Variants in ZNF697 observed in about 807,000 individuals in gnomAD.
ZNF697 encodes zinc finger protein 697.
In ZNF697, 23 loss-of-function variants were observed where a neutral mutation model predicts 32.4. The observed-to-expected ratio is 0.71, with a 90% confidence interval of 0.51 to 1.01. The LOEUF is 1.01. Among genes scored for constraint, ZNF697 ranks in the 50% least tolerant of loss-of-function variants. The pLI, the probability that ZNF697 is intolerant of heterozygous loss-of-function variation, is 0.00. For missense variants in ZNF697, 930 were observed against 794.0 expected, an observed-to-expected ratio of 1.17 and a Z score of -2.06; for synonymous variants, 418 against 337.2, an observed-to-expected ratio of 1.24 and a Z score of -2.62.
Position 119,624,593 on chromosome 1 carries a change from C to T in ZNF697, c.227-477G>A, listed in dbSNP as rs587672418. Among the ~76,000 whole-genome samples, 289 of 152,290 alleles carry T rather than the reference C, an allele frequency of 1.9e-3. 2 individuals carry two copies. The highest frequency in any genetic ancestry group is 6.6e-3 in the African/African-American group (274 of 41,566). On this transcript the variant is annotated intron_variant, in intron 2 of 2. Coordinates refer to ENST00000421812, the MANE Select transcript of ZNF697 (RefSeq NM_001080470.2). ...TAACCAGGCCCTGGACTAATTTTTT[C>T]TTTTTCTCTTTTTATTTTTGAGACA...
At chr1:119,624,567 C>G (rs1192395300) in intron 2 of ZNF697, among the ~76,000 whole-genome samples, 1 of 152,202 alleles carries the variant, frequency 6.6e-6, no homozygotes, top group Non-Finnish European at 1.5e-5. Flanking sequence ...ACCACTTGGC[C>G]TAACCAGGCC....
chr1:119,628,308 T>G (rs1648658659), intron 1 of ZNF697, among the ~76,000 whole-genome samples: 2 of 152,198 alleles, frequency 1.3e-5, no homozygotes, highest in African/African-American at 4.8e-5. Flanking sequence ...AGCCCTTTTA[T>G]GGACAGGCTT....
intron 1 of ZNF697, among the ~76,000 whole-genome samples, chr1:119,633,395 TAGAGAG>T (rs1212878397): frequency 2.1e-5 from 3 of 143,634 alleles, no homozygotes; most frequent in South Asian, 2.2e-4. Context: ...TGTGTGTGTA[TAGAGAG>T]AGAGAGAGAG....
Position 119,647,942 on chromosome 1 carries a change from G to A in ZNF697, c.-289C>T, listed in dbSNP as rs1262881581. Among the ~76,000 whole-genome samples, 1 of 152,218 alleles carries A rather than the reference G, an allele frequency of 6.6e-6. No homozygotes were observed. The highest frequency in any genetic ancestry group is 1.9e-4 in the East Asian group (1 of 5,192). On this transcript the variant is annotated 5_prime_UTR_variant, in exon 1 of 3. Transcript: ENST00000421812. ...GAGCGGACAACGGTCCACTTTACGA[G>A]GCACAACTTCGCCCAGCCGTTCCGC...
chr1:119,623,686 G>A lies in ZNF697; in HGVS notation c.657C>T (p.Ala219=), dbSNP rs1425073993. ...CCAGGCCGAAGGGCTCCAGGCTGGC[G>A]GCGGCAGCGGCCTCAGCCAGGCGGT... ...RIHRLAEAAA[A]ASLEPFGLAG... is the part of the protein sequence containing the mutation. The change falls in exon 3 of 3, where the codon GCC becomes GCT. Residue 219 remains alanine, a synonymous_variant. Transcript: ENST00000421812. The A allele has an allele frequency of 1.0e-5, 16 of 1,529,974 alleles. No homozygotes were observed. Among genetic ancestry groups the A allele is most frequent in the Non-Finnish European group, 1.2e-5 (14 of 1,144,272 alleles). 94.8% of individuals were successfully genotyped at this position (1,529,974 alleles called of 1,614,324 possible).
At chr1:119,632,019 G>T (rs1362099401) in intron 1 of ZNF697, among the ~76,000 whole-genome samples, 2 of 152,214 alleles carry the variant, frequency 1.3e-5, no homozygotes, top group South Asian at 2.1e-4. Context: ...CACAACTGGG[G>T]TCTAACCAGA....
chr1:119,626,231 G>A lies in ZNF697; in HGVS notation c.-37-94C>T, dbSNP rs1214352525. On this transcript the variant is annotated intron_variant, in intron 1 of 2. Transcript: ENST00000421812. ...ATTTCCAATTCTAATAAAATGTATGGAGTTCCAAGCCCCAGATGGCAAACC... is the reference window on the plus strand; with the variant it reads ...ATTTCCAATTCTAATAAAATGTATGAAGTTCCAAGCCCCAGATGGCAAACC... 1.6e-5 allele frequency: 24 copies of A among 1,466,364 alleles called. No homozygotes were observed. The East Asian group carries it at 4.9e-4, about 30-fold the overall frequency. 90.8% of individuals were successfully genotyped at this position (1,466,364 alleles called of 1,614,324 possible). A position where few individuals can be genotyped will look rare whatever the true frequency, so the allele number is the denominator to read the frequency against.
rs1227037917 is a variant in ZNF697, at chr1:119,622,795, C to T, written c.1548G>A (p.Thr516=). 1.3e-6 allele frequency: 2 copies of T among 1,599,778 alleles called. No homozygotes were observed. The highest frequency in any genetic ancestry group is 1.7e-5 in the Admixed American group (1 of 57,416). ...CCGCACACTTGTGCGGCTTGTTGCC[C>T]GTGTGGATGCGGCGGTGGCGGATCA... ...SHLIRHRRIH[T]GNKPHKCAGC... Residue 516 remains threonine (T), a synonymous_variant, in exon 3 of 3, where the codon ACG becomes ACA. Transcript: ENST00000421812.
chr1:119,642,054 T>C (rs587597987), intron 1 of ZNF697, among the ~76,000 whole-genome samples: 2 of 152,210 alleles, frequency 1.3e-5, no homozygotes, highest in South Asian at 2.1e-4. Flanking sequence ...AAATTAGCTA[T>C]CAAGGCGTGA....
At chr1:119,642,625 C>T (rs587678366) in intron 1 of ZNF697, among the ~76,000 whole-genome samples, 31 of 152,202 alleles carry the variant, frequency 2.0e-4, no homozygotes, top group South Asian at 1.5e-3. Context: ...TTACCCACAC[C>T]TCATTGTAAA....
chr1:119,623,981 T>A lies in ZNF697; in HGVS notation c.362A>T (p.Asp121Val). ...CAGCCGGTTCTCCCCAGCACTCTCGTCGTCGTCCTCCCGGAGGCTCCGGGA... is the reference window on the plus strand; with the variant it reads ...CAGCCGGTTCTCCCCAGCACTCTCGACGTCGTCCTCCCGGAGGCTCCGGGA... ...SISRSLREDD[D>V]ESAGENRLEE... Residue 121 changes from aspartate to valine, a missense_variant, in exon 3 of 3, where the codon GAC becomes GTC. Coordinates refer to ENST00000421812, the MANE Select transcript of ZNF697 (RefSeq NM_001080470.2). 1.9e-6 allele frequency: 3 copies of A among 1,611,086 alleles called. No homozygotes were observed.
At chr1:119,625,841 G>C (rs1462689731) in intron 2 of ZNF697, 34 bp downstream of exon 2, 1 of 1,608,814 alleles carries the variant, frequency 6.2e-7, no homozygotes, top group Non-Finnish European at 8.5e-7. Context: ...TGTAACTTTG[G>C]CAACTTGCAT....
intron 2 of ZNF697, 117 bp from the exon 3 acceptor site, chr1:119,624,233 G>A: frequency 8.0e-7 from 1 of 1,248,832 alleles, no homozygotes; most frequent in East Asian, 2.8e-5. Context: ...CTGGATCCCT[G>A]CCCCTCCAAG....
Position 119,625,869 on chromosome 1 carries a change from C to G in ZNF697, c.226+6G>C, listed in dbSNP as rs948686462. 1.2e-6 allele frequency: 2 copies of G among 1,613,222 alleles called. No homozygotes were observed. Among genetic ancestry groups the G allele is most frequent in the Non-Finnish European group, 1.7e-6 (2 of 1,179,818 alleles). ...ACTTGCATAGAAATCCCAGCTTTCT[C>G]CTCACCTGTGCAGATGTCGGGCACT... On this transcript the variant is annotated splice_donor_region_variant and intron_variant, in intron 2 of 2. Coordinates refer to ENST00000421812, the MANE Select transcript of ZNF697 (RefSeq NM_001080470.2).
At position 119,622,841 on chromosome 1, in the gene ZNF697, C is replaced by G; in HGVS notation, c.1502G>C (p.Ser501Thr). The change falls in exon 3 of 3, where the codon AGC becomes ACC. Residue 501 changes from serine (S) to threonine (T), a missense_variant. Ser to Thr is a moderately conservative substitution (Grantham distance 58). Transcript: ENST00000421812. The part of the protein sequence containing the change: ...KPYTCIECGK[S>T]FIQSSHLIRH... ...GATCAGGTGGGAGCTCTGGATAAAG[C>G]TCTTGCCGCACTCGATGCACGTGTA... 6.2e-7 allele frequency: 1 copy of G among 1,607,110 alleles called. No individual in the cohort carries two copies.
Position 119,641,443 on chromosome 1 carries a change from A to C in ZNF697, c.-38+6248T>G, listed in dbSNP as rs189371460. On this transcript the variant is annotated intron_variant, in intron 1 of 2. Transcript: ENST00000421812. ...GTGGGGAGAAAATGTTTGCAAAAAA[A>C]TATATATGATAAAAGGCTGTTAACC... 2.7e-3 allele frequency among the ~76,000 whole-genome samples: 411 copies of C among 152,350 alleles called. 1 individual carries two copies. Among genetic ancestry groups the C allele is most frequent in the African/African-American group, 9.4e-3 (392 of 41,580 alleles).
rs1648329551 is a variant in ZNF697 at position 119,621,904 on chromosome 1, TG to T, written c.*800del. 7.4e-6 allele frequency: 1 copy of T among 135,430 alleles called. No individual in the cohort carries two copies. Among genetic ancestry groups the T allele is most frequent in the African/African-American group, 3.0e-5 (1 of 33,400 alleles). The allele number at this position is 135,430 out of a possible 1,614,324, so 8.4% of individuals were successfully genotyped here. A position where few individuals can be genotyped will look rare whatever the true frequency, so the allele number is the denominator to read the frequency against. On this transcript the variant is annotated 3_prime_UTR_variant, in exon 3 of 3. Transcript: ENST00000421812. ...GTTGAGACCTGAAAGAAATACTGGG[TG>T]TGGCACACACCTGGGATGGGCGAGG...
rs779872197 is a variant in ZNF697, at chr1:119,623,564, G to A, written c.779C>T (p.Pro260Leu). 22 of 1,500,236 alleles carry A rather than the reference G, an allele frequency of 1.5e-5. No individual in the cohort carries two copies. In the Admixed American group the frequency reaches 3.9e-4, roughly 27 times the overall value. The allele number at this position is 1,500,236 out of a possible 1,614,324, so 92.9% of individuals were successfully genotyped here. The change falls in exon 3 of 3, where the codon CCC becomes CTC. Residue 260 changes from proline (P) to leucine (L), a missense_variant. Transcript: ENST00000421812. ...PPLARPPREK[P>L]FRCGECGKGF... ...CTTGCCGCACTCCCCGCAGCGGAAG[G>A]GCTTTTCGCGCGGGGGCCGGGCCAG...
chr1:119,641,678 T>C (rs776046896), intron 1 of ZNF697, among the ~76,000 whole-genome samples: 2 of 152,140 alleles, frequency 1.3e-5, no homozygotes, highest in Non-Finnish European at 2.9e-5. Context: ...TGGGAGGTAA[T>C]TGAATCATGG....
Sources: allele counts gnomAD v4.1 joint callset (sites outside exome capture counted in the v4.1 genomes callset), GRCh38; gene constraint gnomAD v4.1.1; transcripts MANE v1.5; gene names NCBI Gene and HGNC (gene_info 2026-07-23, HGNC 2026-07-21).